PGM2L1: variants seen among roughly 807,000 people sequenced by gnomAD.
PGM2L1 encodes phosphoglucomutase 2 like 1.
Under a neutral mutation model 73.4 loss-of-function variants are expected in PGM2L1, and 35 were observed. That is an observed-to-expected ratio of 0.48 (90% CI 0.36 to 0.63). The LOEUF is 0.63. Ranked by LOEUF, PGM2L1 falls within the 30% of genes least tolerant of loss-of-function variation. PGM2L1 has a pLI of 0.00. For synonymous variants in PGM2L1, 225 were observed against 253.8 expected (o/e 0.89, Z 1.08); for missense variants, 570 against 742.0 (o/e 0.77, Z 2.69).
At chr11:74,369,159 A>C (rs1019843926) in intron 4 of PGM2L1, among the ~76,000 whole-genome samples, 2 of 152,164 alleles carry the variant, frequency 1.3e-5, no homozygotes, top group Admixed American at 6.6e-5. Context: ...GATCAATCAT[A>C]TCACTCTTCA....
intron 1 of PGM2L1, among the ~76,000 whole-genome samples, chr11:74,377,588 A>G (rs1368443261): frequency 6.6e-6 from 1 of 152,214 alleles, no homozygotes; most frequent in Non-Finnish European, 1.5e-5. Context: ...ATAAGAGACT[A>G]AAAATAGTGA....
intron 1 of PGM2L1, among the ~76,000 whole-genome samples, chr11:74,380,922 T>C (rs903138180): frequency 6.6e-6 from 1 of 152,212 alleles, no homozygotes; most frequent in African/African-American, 2.4e-5. Context: ...GAGAGAAAGA[T>C]CACTGAACTA....
intron 5 of PGM2L1, among the ~76,000 whole-genome samples, 169 bp from the exon 6 acceptor site, chr11:74,351,745 G>A (rs190860527): frequency 3.3e-5 from 5 of 152,098 alleles, no homozygotes; most frequent in Admixed American, 2.0e-4. Flanking sequence ...GGCAGATCAC[G>A]AGGTCAGCAG....
At chr11:74,343,239 C>A (rs1862210200) in intron 10 of PGM2L1, 84 bp downstream of exon 10, 5 of 1,445,460 alleles carry the variant, frequency 3.5e-6, no homozygotes, top group African/African-American at 2.9e-5. Context: ...AAATATGAAA[C>A]CAGAACACAA....
At chr11:74,395,309 T>C (rs111880177) in intron 1 of PGM2L1, among the ~76,000 whole-genome samples, 4 of 152,266 alleles carry the variant, frequency 2.6e-5, no homozygotes, top group African/African-American at 9.6e-5. Context: ...GCTAATGCCT[T>C]ATATTCAGAG....
rs1471175641 is a variant in PGM2L1, at chr11:74,333,510, TAC to T, written c.*3140_*3141del. The T allele has an allele frequency of 6.6e-6, 1 of 152,230 alleles. No individual in the cohort carries two copies. The highest frequency in any genetic ancestry group is 1.5e-5 in the Non-Finnish European group (1 of 68,036). 9.4% of individuals were successfully genotyped at this position (152,230 alleles called of 1,614,324 possible). On this transcript the variant is annotated 3_prime_UTR_variant, in exon 14 of 14. Coordinates refer to ENST00000298198, the MANE Select transcript of PGM2L1 (RefSeq NM_173582.6). ...ATTTTCTTCCTTTTTATTTCTGCTC[TAC>T]CTCTTCCTGAGTTCTCACATGATTC...
At chr11:74,387,614 C>T (rs1232801515) in intron 1 of PGM2L1, among the ~76,000 whole-genome samples, 1 of 152,086 alleles carries the variant, frequency 6.6e-6, no homozygotes, top group African/African-American at 2.4e-5. Context: ...CTACTGTGCC[C>T]ATTTTAAATT....
At chr11:74,349,830 G>A (rs1412275394) in intron 6 of PGM2L1, among the ~76,000 whole-genome samples, 1 of 151,934 alleles carries the variant, frequency 6.6e-6, no homozygotes, top group African/African-American at 2.4e-5. Flanking sequence ...ATATATATGT[G>A]TATGTCTATA....
intron 3 of PGM2L1, among the ~76,000 whole-genome samples, chr11:74,371,310 T>G (rs1591183831): frequency 6.6e-6 from 1 of 152,180 alleles, no homozygotes; most frequent in East Asian, 1.9e-4. Context: ...TAAGAGACTT[T>G]GATAAACTCA....
rs545324366 is a variant in PGM2L1 at position 74,375,152 on chromosome 11, G to A, written c.112-570C>T. ...CTACTCCTTAAAAATCACAGAAAAC[G>A]ATTCAATTTATCTATGGCACAAGTT... On this transcript the variant is annotated intron_variant, in intron 1 of 13. Transcript: ENST00000298198. Among the ~76,000 whole-genome samples, 41 of 152,252 alleles carry A rather than the reference G, an allele frequency of 2.7e-4. No individual in the cohort carries two copies. The South Asian group carries it at 8.1e-3, about 30-fold the overall frequency.
At chr11:74,350,471 A>G in intron 6 of PGM2L1, among the ~76,000 whole-genome samples, 1 of 152,228 alleles carries the variant, frequency 6.6e-6, no homozygotes, top group Non-Finnish European at 1.5e-5. Flanking sequence ...GATATAATTC[A>G]CATACCATAT....
At chr11:74,378,338 C>T (rs555536322) in intron 1 of PGM2L1, among the ~76,000 whole-genome samples, 3 of 151,908 alleles carry the variant, frequency 2.0e-5, no homozygotes, top group South Asian at 2.1e-4. Flanking sequence ...GAAATATACA[C>T]ACTGACCTAT....
intron 1 of PGM2L1, among the ~76,000 whole-genome samples, chr11:74,387,971 T>A (rs181333753): frequency 6.6e-6 from 1 of 152,308 alleles, no homozygotes; most frequent in African/African-American, 2.4e-5. Flanking sequence ...AAATGCAGTT[T>A]TGCTTTAACT....
At chr11:74,354,750 T>A (rs1436077904) in intron 5 of PGM2L1, 21 of 1,053,186 alleles carry the variant, frequency 2.0e-5, no homozygotes, top group Non-Finnish European at 2.9e-5. Flanking sequence ...CCCACTTAAC[T>A]GTGAAAAAGC....
intron 13 of PGM2L1, among the ~76,000 whole-genome samples, chr11:74,337,138 T>C (rs1172670240): frequency 1.3e-5 from 2 of 152,218 alleles, no homozygotes; most frequent in African/African-American, 4.8e-5. Context: ...TGGAATGATA[T>C]ATCTTTCAGG....
At chr11:74,357,138 C>G (rs527995631) in intron 5 of PGM2L1, among the ~76,000 whole-genome samples, 1 of 152,036 alleles carries the variant, frequency 6.6e-6, no homozygotes, top group African/African-American at 2.4e-5. Context: ...TGTGAGCCAC[C>G]GTGCCCAGCC....
rs12288123 is a variant in PGM2L1 at position 74,336,953 on chromosome 11, G to A, written c.1767-199C>T. Among the ~76,000 whole-genome samples, 699 of 152,082 alleles carry A rather than the reference G, an allele frequency of 4.6e-3. 8 individuals carry two copies. Among genetic ancestry groups the A allele is most frequent in the African/African-American group, 0.016 (659 of 41,464 alleles). ...AAAACACTGCTATCACAAACTGAAGGTGAACTGCATTAATAGGAGTTCCTT... is the reference window on the plus strand; with the variant it reads ...AAAACACTGCTATCACAAACTGAAGATGAACTGCATTAATAGGAGTTCCTT... On this transcript the variant is annotated intron_variant, in intron 13 of 13. Coordinates refer to ENST00000298198, the MANE Select transcript of PGM2L1 (RefSeq NM_173582.6).
At chr11:74,338,383 C>T (rs1862129452) in intron 13 of PGM2L1, 85 bp downstream of exon 13, 1 of 1,253,228 alleles carries the variant, frequency 8.0e-7, no homozygotes, top group Non-Finnish European at 1.1e-6. Flanking sequence ...CTGAATTGTA[C>T]ATTTTAAGTG....
At chr11:74,377,220 C>A (rs1464477143) in intron 1 of PGM2L1, among the ~76,000 whole-genome samples, 2 of 151,624 alleles carry the variant, frequency 1.3e-5, no homozygotes, top group Non-Finnish European at 2.9e-5. Context: ...CTGCAAGCTC[C>A]GCCTCCCGGG....
Sources: allele counts gnomAD v4.1 joint callset (sites outside exome capture counted in the v4.1 genomes callset), GRCh38; gene constraint gnomAD v4.1.1; transcripts MANE v1.5; gene names NCBI Gene and HGNC (gene_info 2026-07-23, HGNC 2026-07-21).